Variants in SCHIP1 observed in about 807,000 individuals in gnomAD.
SCHIP1 encodes schwannomin-interacting protein 1.
In SCHIP1, 8 loss-of-function variants were observed where a neutral mutation model predicts 29.7. The ratio of observed to expected loss-of-function variants is 0.27; its 90% CI spans 0.16 to 0.49. SCHIP1 has a LOEUF of 0.49. Among genes scored for constraint, SCHIP1 ranks in the 20% least tolerant of loss-of-function variants. The probability of loss-of-function intolerance (pLI) is 0.99; values close to 1 mark genes in which losing one functional copy is unlikely to be tolerated. For missense variants in SCHIP1, 193 were observed against 294.6 expected, an observed-to-expected ratio of 0.66 and a Z score of 2.52; for synonymous variants, 76 against 94.9, an observed-to-expected ratio of 0.80 and a Z score of 1.16.
chr3:159,508,672 TG>T, the SCHIP1 span, among the ~76,000 whole-genome samples: 1 of 152,254 alleles, frequency 6.6e-6, no homozygotes, highest in East Asian at 1.9e-4. Flanking sequence ...GTTGTGTCTT[TG>T]TTTTTGTTGG....
intron 2 of SCHIP1, among the ~76,000 whole-genome samples, chr3:159,881,776 G>A (rs768691253): frequency 4.7e-4 from 71 of 152,316 alleles, no homozygotes; most frequent in African/African-American, 1.7e-3. Context: ...AGTAGCATAC[G>A]ATGATGAAGT....
the SCHIP1 span, among the ~76,000 whole-genome samples, chr3:159,366,389 A>G: frequency 2.6e-5 from 4 of 152,122 alleles, no homozygotes; most frequent in Non-Finnish European, 5.9e-5. Flanking sequence ...AAATATTCAA[A>G]CTATATTATT....
intron 1 of SCHIP1, 33 bp from the exon 3 acceptor site, chr3:159,866,130 T>A (rs1422510244): frequency 6.2e-7 from 1 of 1,605,182 alleles, no homozygotes; most frequent in Non-Finnish European, 8.5e-7. Flanking sequence ...ATCTGCCCAC[T>A]TATCAGCATT....
the SCHIP1 span, among the ~76,000 whole-genome samples, chr3:159,475,459 G>GT: frequency 4.6e-5 from 7 of 152,038 alleles, no homozygotes; most frequent in East Asian, 1.9e-4. Flanking sequence ...TAGGTATAGG[G>GT]TTTTTTTGGC....
the SCHIP1 span, among the ~76,000 whole-genome samples, chr3:159,506,483 T>C: frequency 6.6e-6 from 1 of 152,372 alleles, no homozygotes; most frequent in South Asian, 2.1e-4. Flanking sequence ...AGATCCCATT[T>C]GTCAATTTTG....
the SCHIP1 span, among the ~76,000 whole-genome samples, chr3:159,481,435 C>T: frequency 1.8e-3 from 270 of 152,202 alleles, 1 homozygote; most frequent in East Asian, 0.042. Flanking sequence ...AGATAAAATA[C>T]AAGATGTCCA....
the SCHIP1 span, among the ~76,000 whole-genome samples, chr3:159,694,645 G>A: frequency 1.3e-5 from 2 of 152,136 alleles, no homozygotes; most frequent in East Asian, 3.9e-4. Context: ...AAAAGTAAAG[G>A]ATTGCATATT....
At chr3:159,811,984 T>TTTG in the SCHIP1 span, among the ~76,000 whole-genome samples, 7 of 151,228 alleles carry the variant, frequency 4.6e-5, no homozygotes, top group Non-Finnish European at 5.9e-5. Context: ...GTTTTTGTTT[T>TTTG]TTTTTTTGGC....
the SCHIP1 span, among the ~76,000 whole-genome samples, chr3:159,749,957 T>C: frequency 5.3e-5 from 8 of 152,080 alleles, no homozygotes; most frequent in Admixed American, 5.2e-4. Context: ...TAATATTGGA[T>C]ATACAGTGGT....
At chr3:159,594,769 T>G in the SCHIP1 span, among the ~76,000 whole-genome samples, 2 of 152,202 alleles carry the variant, frequency 1.3e-5, no homozygotes, top group Non-Finnish European at 2.9e-5. Flanking sequence ...TAAAATATAT[T>G]TACCCCAAAT....
At chr3:159,574,798 C>A in the SCHIP1 span, among the ~76,000 whole-genome samples, 35 of 152,224 alleles carry the variant, frequency 2.3e-4, no homozygotes, top group Non-Finnish European at 4.4e-4. Context: ...CTATGTTTAC[C>A]TACTAAAGCC....
At chr3:159,730,638 C>T in the SCHIP1 span, among the ~76,000 whole-genome samples, 16 of 152,038 alleles carry the variant, frequency 1.1e-4, no homozygotes, top group Admixed American at 2.0e-4. Context: ...CAATAATTAC[C>T]TTTTAAAGAT....
chr3:159,759,649 C>T, the SCHIP1 span, among the ~76,000 whole-genome samples: 1 of 152,090 alleles, frequency 6.6e-6, no homozygotes, highest in African/African-American at 2.4e-5. Flanking sequence ...ACCCTTTACC[C>T]CACAGGGCTG....
the SCHIP1 span, among the ~76,000 whole-genome samples, chr3:159,530,638 G>C: frequency 6.6e-6 from 1 of 152,256 alleles, no homozygotes; most frequent in African/African-American, 2.4e-5. Flanking sequence ...GCTCTACCCT[G>C]TGTCCTTGGA....
chr3:159,638,204 C>T, the SCHIP1 span, among the ~76,000 whole-genome samples: 1 of 152,084 alleles, frequency 6.6e-6, no homozygotes, highest in Non-Finnish European at 1.5e-5. Flanking sequence ...TTCCGTGTAC[C>T]TCAATTTTTT....
chr3:159,326,313 C>G, the SCHIP1 span, among the ~76,000 whole-genome samples: 14 of 152,068 alleles, frequency 9.2e-5, no homozygotes, highest in African/African-American at 1.9e-4. Context: ...AATATTGAAC[C>G]TGGACTCAGT....
At chr3:159,590,148 C>T in the SCHIP1 span, among the ~76,000 whole-genome samples, 1 of 152,080 alleles carries the variant, frequency 6.6e-6, no homozygotes, top group African/African-American at 2.4e-5. Flanking sequence ...TGGGCAGATA[C>T]ATGACCAGAC....
the SCHIP1 span, among the ~76,000 whole-genome samples, chr3:159,655,743 G>T: frequency 3.3e-5 from 5 of 152,118 alleles, no homozygotes; most frequent in South Asian, 6.2e-4. Context: ...CAAAAAATTA[G>T]CTAGGCATAG....
the SCHIP1 span, among the ~76,000 whole-genome samples, chr3:159,662,274 T>C: frequency 6.6e-6 from 1 of 152,342 alleles, no homozygotes; most frequent in South Asian, 2.1e-4. Flanking sequence ...TAAGAACCCC[T>C]TCCCCTCCCT....
Sources: allele counts gnomAD v4.1 joint callset (sites outside exome capture counted in the v4.1 genomes callset), GRCh38; gene constraint gnomAD v4.1.1; transcripts MANE v1.5; gene names NCBI Gene and HGNC (gene_info 2026-07-23, HGNC 2026-07-21).